SDK1: variants seen among roughly 807,000 people sequenced by gnomAD.
The protein encoded by SDK1 is sidekick cell adhesion molecule 1.
Under a neutral mutation model 245.5 loss-of-function variants are expected in SDK1, and 157 were observed. The ratio of observed to expected loss-of-function variants is 0.64; its 90% CI spans 0.56 to 0.73. SDK1 has a LOEUF of 0.73. Ranked by LOEUF, SDK1 falls within the 30% of genes least tolerant of loss-of-function variation. SDK1 has a pLI of 0.00. For synonymous variants in SDK1, 1,647 were observed against 1,278.5 expected (o/e 1.29, Z -6.15); for missense variants, 3,583 against 3,002.3 (o/e 1.19, Z -4.52).
intron 4 of SDK1, among the ~76,000 whole-genome samples, chr7:3,674,461 A>T (rs980767719): frequency 6.6e-6 from 1 of 152,064 alleles, no homozygotes; most frequent in Non-Finnish European, 1.5e-5. Context: ...GAGGGTGACA[A>T]TACAGGGGCC....
At chr7:3,858,249 T>C (rs112932748) in intron 5 of SDK1, among the ~76,000 whole-genome samples, 1 of 152,024 alleles carries the variant, frequency 6.6e-6, no homozygotes, top group African/African-American at 2.4e-5. Context: ...ATATCATTTT[T>C]TTAAAAAAAC....
chr7:3,918,192 G>A (rs776702535), intron 5 of SDK1, among the ~76,000 whole-genome samples: 11 of 152,068 alleles, frequency 7.2e-5, no homozygotes, highest in African/African-American at 1.9e-4. Flanking sequence ...TCAACACCGC[G>A]GTACCCTGGA....
intron 4 of SDK1, among the ~76,000 whole-genome samples, chr7:3,762,728 T>G (rs1780142853): frequency 2.0e-5 from 3 of 152,246 alleles, no homozygotes; most frequent in South Asian, 4.1e-4. Flanking sequence ...CAAATATGTT[T>G]TAATTAGATG....
intron 5 of SDK1, among the ~76,000 whole-genome samples, chr7:3,843,001 C>A (rs547254508): frequency 3.3e-4 from 50 of 152,226 alleles, no homozygotes; most frequent in African/African-American, 1.2e-3. Context: ...GTGCATTGAA[C>A]AACTGCCTAA....
At chr7:3,712,796 T>C (rs183266441) in intron 4 of SDK1, among the ~76,000 whole-genome samples, 57 of 152,310 alleles carry the variant, frequency 3.7e-4, no homozygotes, top group Non-Finnish European at 5.6e-4. Flanking sequence ...AGAAAAGTCT[T>C]CCTAAAGGAG....
chr7:3,394,693 C>G lies in SDK1; in HGVS notation c.298+92809C>G, dbSNP rs903444049. On this transcript the variant is annotated intron_variant, in intron 1 of 44. Coordinates refer to ENST00000404826, the MANE Select transcript of SDK1 (RefSeq NM_152744.4). ...CATTTAAAAAAACTTGAATTTTCTT[C>G]AAAGCTTTATAATTTTTACAGTACA... Among the ~76,000 whole-genome samples, 3 of 151,900 alleles carry G rather than the reference C, an allele frequency of 2.0e-5. 1 individual carries two copies. The highest frequency in any genetic ancestry group is 4.8e-5 in the African/African-American group (2 of 41,394).
intron 1 of SDK1, among the ~76,000 whole-genome samples, chr7:3,414,548 A>G (rs1345896352): frequency 6.6e-6 from 1 of 152,210 alleles, no homozygotes; most frequent in Non-Finnish European, 1.5e-5. Context: ...TGGCAAATTT[A>G]TGGAACTGTG....
At chr7:3,857,399 C>T (rs1317855815) in intron 5 of SDK1, among the ~76,000 whole-genome samples, 1 of 152,122 alleles carries the variant, frequency 6.6e-6, no homozygotes, top group Non-Finnish European at 1.5e-5. Context: ...AAACCTAAGA[C>T]AGGCTGGGTG....
intron 1 of SDK1, among the ~76,000 whole-genome samples, chr7:3,476,953 C>G (rs1406762370): frequency 6.6e-6 from 1 of 152,136 alleles, no homozygotes; most frequent in East Asian, 1.9e-4. Flanking sequence ...GACGGAGACT[C>G]TGTAGGCGTG....
chr7:3,973,060 G>T (rs765064900), intron 12 of SDK1, among the ~76,000 whole-genome samples: 1 of 152,106 alleles, frequency 6.6e-6, no homozygotes, highest in Non-Finnish European at 1.5e-5. Context: ...CTGTGGTTTC[G>T]TAGTAGCTTG....
chr7:3,432,815 A>G (rs572083165), intron 1 of SDK1, among the ~76,000 whole-genome samples: 1 of 152,314 alleles, frequency 6.6e-6, no homozygotes, highest in East Asian at 1.9e-4. Context: ...TTTATAATCC[A>G]CAAATAGAAT....
At chr7:3,978,734 A>T (rs1783160095) in intron 13 of SDK1, among the ~76,000 whole-genome samples, 1 of 152,058 alleles carries the variant, frequency 6.6e-6, no homozygotes, top group South Asian at 2.1e-4. Flanking sequence ...TCCATCATTT[A>T]CTCAGATAAC....
intron 44 of SDK1, among the ~76,000 whole-genome samples, chr7:4,263,533 C>T (rs1424190079): frequency 4.4e-5 from 4 of 90,118 alleles, no homozygotes; most frequent in Admixed American, 9.8e-5. Context: ...GTGGGGAGGC[C>T]GCGTAGACGC....
At chr7:4,104,054 C>T (rs990481685) in intron 22 of SDK1, among the ~76,000 whole-genome samples, 1 of 152,242 alleles carries the variant, frequency 6.6e-6, no homozygotes, top group Non-Finnish European at 1.5e-5. Context: ...GACTGCAGTA[C>T]TAGAGCCCTG....
rs564116361 is a variant in SDK1, at chr7:3,622,253, G to A, written c.458+3014G>A. On this transcript the variant is annotated intron_variant, in intron 2 of 44. Transcript: ENST00000404826. Reference sequence around the variant, plus strand: ...AGCACTTTGGGAGGGTGAGGCAGGCGGATCATTTGAGGTCAGGAGTTCGAC... The same window carrying A: ...AGCACTTTGGGAGGGTGAGGCAGGCAGATCATTTGAGGTCAGGAGTTCGAC... Among the ~76,000 whole-genome samples, 472 of 152,230 alleles carry A rather than the reference G, an allele frequency of 3.1e-3. 2 individuals carry two copies. Among genetic ancestry groups the A allele is most frequent in the African/African-American group, 0.011 (442 of 41,522 alleles).
intron 17 of SDK1, among the ~76,000 whole-genome samples, chr7:4,047,539 C>A (rs1263892303): frequency 6.6e-6 from 1 of 152,176 alleles, no homozygotes; most frequent in African/African-American, 2.4e-5. Flanking sequence ...TGGTGGAATT[C>A]ATCCATGAAA....
intron 22 of SDK1, among the ~76,000 whole-genome samples, chr7:4,087,769 A>G (rs994644003): frequency 6.6e-6 from 1 of 152,108 alleles, no homozygotes; most frequent in African/African-American, 2.4e-5. Context: ...CCCCTTTTTT[A>G]GCACCCCTGT....
At chr7:4,218,474 A>C (rs1045829648) in intron 38 of SDK1, among the ~76,000 whole-genome samples, 5 of 152,246 alleles carry the variant, frequency 3.3e-5, no homozygotes, top group African/African-American at 1.2e-4. Context: ...AAGGCATAAT[A>C]TATGAAAACA....
chr7:3,321,778 C>CTTCCT (rs1337962419), intron 1 of SDK1, among the ~76,000 whole-genome samples: 24 of 50,302 alleles, frequency 4.8e-4, no homozygotes, highest in Non-Finnish European at 5.5e-4. Context: ...TTCCTTCCTT[C>CTTCCT]TCCTTCCTTC....
Sources: allele counts gnomAD v4.1 joint callset (sites outside exome capture counted in the v4.1 genomes callset), GRCh38; gene constraint gnomAD v4.1.1; transcripts MANE v1.5; gene names NCBI Gene and HGNC (gene_info 2026-07-23, HGNC 2026-07-21).